Variants in THSD7B observed in about 807,000 individuals in gnomAD.
THSD7B encodes thrombospondin type 1 domain containing 7B, also known as thrombospondin type-1 domain-containing protein 7B.
THSD7B carries 138 observed loss-of-function variants against 213.6 expected under a neutral mutation model. That is an observed-to-expected ratio of 0.65 (90% CI 0.56 to 0.74). THSD7B has a LOEUF of 0.74. THSD7B is among the 30% of genes least tolerant of loss of function. THSD7B has a pLI of 0.00. For synonymous variants in THSD7B, 742 were observed against 687.0 expected, an observed-to-expected ratio of 1.08 and a Z score of -1.25; for missense variants, 1,931 against 1,991.5, an observed-to-expected ratio of 0.97 and a Z score of 0.58.
At chr2:137,675,693 A>G (rs1683684755) in intron 27 of THSD7B, among the ~76,000 whole-genome samples, 1 of 152,112 alleles carries the variant, frequency 6.6e-6, no homozygotes, top group African/African-American at 2.4e-5. Context: ...AATAGATGCT[A>G]ATATAATATA....
At chr2:137,091,283 T>G (rs1687944018) in intron 3 of THSD7B, among the ~76,000 whole-genome samples, 1 of 152,050 alleles carries the variant, frequency 6.6e-6, no homozygotes, top group Non-Finnish European at 1.5e-5. Context: ...AGCTGGTAAG[T>G]GGGAAGAAAG....
intron 12 of THSD7B, among the ~76,000 whole-genome samples, chr2:137,345,851 A>G (rs890650637): frequency 6.6e-6 from 1 of 151,604 alleles, no homozygotes; most frequent in South Asian, 2.1e-4. Flanking sequence ...GACATTTTTT[A>G]AAAAGCTCAG....
intron 2 of THSD7B, among the ~76,000 whole-genome samples, chr2:137,036,040 G>A (rs1322893509): frequency 1.3e-5 from 2 of 152,036 alleles, no homozygotes; most frequent in East Asian, 1.9e-4. Flanking sequence ...TTCAAAATGT[G>A]CAAACACTTA....
At chr2:136,863,245 G>T (rs1214775686) in intron 1 of THSD7B, among the ~76,000 whole-genome samples, 1 of 152,240 alleles carries the variant, frequency 6.6e-6, no homozygotes, top group Non-Finnish European at 1.5e-5. Context: ...AGGTGATTCT[G>T]TGTGTATGTC....
At chr2:137,003,070 A>T (rs1686032965) in intron 2 of THSD7B, among the ~76,000 whole-genome samples, 1 of 152,178 alleles carries the variant, frequency 6.6e-6, no homozygotes, top group Non-Finnish European at 1.5e-5. Context: ...AATGTTTGAC[A>T]TATCTCTGGG....
At chr2:137,187,984 A>G (rs568580986) in intron 7 of THSD7B, among the ~76,000 whole-genome samples, 1 of 152,250 alleles carries the variant, frequency 6.6e-6, no homozygotes, top group South Asian at 2.1e-4. Flanking sequence ...GAAATCCCCA[A>G]TGTTTAGAAC....
chr2:136,933,106 C>CCCTTCCTTCCTT (rs1409957040), intron 2 of THSD7B, among the ~76,000 whole-genome samples: 18 of 98,976 alleles, frequency 1.8e-4, no homozygotes, highest in South Asian at 6.7e-4. Flanking sequence ...ATTTTGCCCG[C>CCCTTCCTTCCTT]CATTCCTTCC....
At chr2:137,032,651 A>T (rs1003166244) in intron 2 of THSD7B, among the ~76,000 whole-genome samples, 16 of 152,300 alleles carry the variant, frequency 1.1e-4, no homozygotes, top group African/African-American at 3.8e-4. Flanking sequence ...GTTGGCTTCA[A>T]ATCCTGATAA....
At chr2:137,369,144 G>C (rs1685486195) in intron 12 of THSD7B, among the ~76,000 whole-genome samples, 1 of 109,990 alleles carries the variant, frequency 9.1e-6, no homozygotes, top group African/African-American at 3.6e-5. Flanking sequence ...GGGGGGCGGG[G>C]GGGACCATAT....
At chr2:136,817,935 T>G (rs1404674671) in intron 1 of THSD7B, among the ~76,000 whole-genome samples, 1 of 151,030 alleles carries the variant, frequency 6.6e-6, no homozygotes, top group East Asian at 1.9e-4. Flanking sequence ...AGGAACACTT[T>G]TACACTGTTG....
At chr2:136,823,705 C>T (rs1451280250) in intron 1 of THSD7B, among the ~76,000 whole-genome samples, 1 of 152,050 alleles carries the variant, frequency 6.6e-6, no homozygotes, top group Non-Finnish European at 1.5e-5. Context: ...TTATTATCTT[C>T]CTGATTTTTC....
intron 12 of THSD7B, among the ~76,000 whole-genome samples, chr2:137,401,384 A>G (rs1190160706): frequency 2.0e-5 from 3 of 152,110 alleles, no homozygotes; most frequent in African/African-American, 7.2e-5. Flanking sequence ...TTTCTTTAGT[A>G]TTTTCATACC....
intron 17 of THSD7B, among the ~76,000 whole-genome samples, chr2:137,586,672 C>T (rs1320702530): frequency 6.6e-6 from 1 of 152,218 alleles, no homozygotes; most frequent in African/African-American, 2.4e-5. Flanking sequence ...CCCCCACTCT[C>T]TTCTGGCTTG....
At chr2:137,096,123 A>C (rs1573820382) in intron 4 of THSD7B, among the ~76,000 whole-genome samples, 1 of 152,096 alleles carries the variant, frequency 6.6e-6, no homozygotes, top group African/African-American at 2.4e-5. Context: ...ACAGACAGAA[A>C]TCTGTTAGGG....
At chr2:137,403,593 C>T (rs1251724867) in intron 12 of THSD7B, among the ~76,000 whole-genome samples, 1 of 152,122 alleles carries the variant, frequency 6.6e-6, no homozygotes, top group African/African-American at 2.4e-5. Context: ...GGCATCATGC[C>T]AAATATGGGT....
At chr2:136,811,683 G>T (rs1407659226) in intron 1 of THSD7B, among the ~76,000 whole-genome samples, 1 of 152,104 alleles carries the variant, frequency 6.6e-6, no homozygotes, top group Admixed American at 6.5e-5. Context: ...GATATAATTT[G>T]CTTGATCTGA....
intron 1 of THSD7B, among the ~76,000 whole-genome samples, chr2:136,879,395 T>C (rs1275126308): frequency 6.6e-6 from 1 of 152,204 alleles, no homozygotes; most frequent in Non-Finnish European, 1.5e-5. Flanking sequence ...GACTTGGCAA[T>C]GTGTGCTCTT....
intron 15 of THSD7B, among the ~76,000 whole-genome samples, chr2:137,536,985 G>A (rs1469150865): frequency 6.6e-6 from 1 of 151,666 alleles, no homozygotes; most frequent in Non-Finnish European, 1.5e-5. Flanking sequence ...AATAATTCTA[G>A]CAACTCTTCA....
intron 15 of THSD7B, among the ~76,000 whole-genome samples, chr2:137,497,504 C>A (rs1679597688): frequency 6.6e-6 from 1 of 151,924 alleles, no homozygotes; most frequent in Admixed American, 6.6e-5. Context: ...TCCAAATGTA[C>A]CAATTGCATA....
Sources: gnomAD v4.1 joint callset for allele counts (sites outside exome capture counted in the v4.1 genomes callset) on GRCh38, gnomAD v4.1.1 for gene constraint, MANE v1.5 for transcripts, NCBI Gene and HGNC (gene_info 2026-07-23, HGNC 2026-07-21) for gene names.